The following NEK6 variants were observed in gnomAD, a reference collection of about 807,000 sequenced individuals.
The protein encoded by NEK6 is serine/threonine-protein kinase Nek6.
NEK6 carries 27 observed loss-of-function variants against 43.5 expected under a neutral mutation model. That is an observed-to-expected ratio of 0.62 (90% CI 0.46 to 0.86). The LOEUF (loss-of-function observed/expected upper bound fraction) is 0.86. NEK6 is among the 40% of genes least tolerant of loss of function. The pLI, the probability that NEK6 is intolerant of heterozygous loss-of-function variation, is 0.00. For synonymous variants in NEK6, 167 were observed against 164.1 expected (o/e 1.02, Z -0.14); for missense variants, 318 against 414.4 (o/e 0.77, Z 2.02).
rs1831402978 is a variant in NEK6, at chr9:124,270,654, G to C, written c.-30+12569G>C. Reference sequence around the variant, plus strand: ...TTTCAGGGTGAGTGCAGACCTCACAGGTGTGGGCACACCTGCCCCCGACCC... The same window carrying C: ...TTTCAGGGTGAGTGCAGACCTCACACGTGTGGGCACACCTGCCCCCGACCC... On this transcript the variant is annotated intron_variant, in intron 1 of 9. Transcript: ENST00000320246. Among the ~76,000 whole-genome samples the C allele has an allele frequency of 1.3e-5, 2 of 152,206 alleles. 1 individual carries two copies. The highest frequency in any genetic ancestry group is 1.3e-4 in the Admixed American group (2 of 15,284).
At chr9:124,272,754 T>C (rs1475099767) in intron 1 of NEK6, among the ~76,000 whole-genome samples, 1 of 152,212 alleles carries the variant, frequency 6.6e-6, no homozygotes, top group African/African-American at 2.4e-5. Flanking sequence ...CCTCTCTTGG[T>C]GACCTTGAGA....
At chr9:124,292,228 C>A in intron 1 of NEK6, 2 of 1,253,252 alleles carry the variant, frequency 1.6e-6, no homozygotes, top group East Asian at 2.9e-5. Flanking sequence ...CTCTGCCACC[C>A]ACCGCTGGCT....
intron 1 of NEK6, among the ~76,000 whole-genome samples, chr9:124,283,793 C>T (rs1429230028): frequency 6.6e-6 from 1 of 152,268 alleles, no homozygotes; most frequent in Non-Finnish European, 1.5e-5. Flanking sequence ...AGAGCTGCTT[C>T]CCGTTCCGAG....
intron 1 of NEK6, chr9:124,292,227 C>T: frequency 8.0e-7 from 1 of 1,251,498 alleles, no homozygotes; most frequent in Non-Finnish European, 1.1e-6. Flanking sequence ...CCTCTGCCAC[C>T]CACCGCTGGC....
intron 2 of NEK6, 112 bp downstream of exon 2, chr9:124,302,166 C>T: frequency 1.4e-6 from 1 of 727,662 alleles, no homozygotes; most frequent in Non-Finnish European, 2.2e-6. Flanking sequence ...CTCCCTGAAA[C>T]AGAACCTCTT....
chr9:124,340,133 T>TAAAGACCAGCACCTCTCCCC (rs1829518891), intron 8 of NEK6, among the ~76,000 whole-genome samples: 1 of 151,158 alleles, frequency 6.6e-6, no homozygotes, highest in African/African-American at 2.4e-5. Flanking sequence ...TGGGTCTCCC[T>TAAAGACCAGCACCTCTCCCC]AAAGACCACC....
At chr9:124,288,363 TTCAAGTGATTCTCCTGAA>T (rs1311149164) in intron 1 of NEK6, among the ~76,000 whole-genome samples, 4 of 152,232 alleles carry the variant, frequency 2.6e-5, no homozygotes, top group South Asian at 2.1e-4. Context: ...GCCTCCTGGG[TTCAAGTGATTCTCCTGAA>T]TCAAGTGATT....
rs1055421358 is a variant in NEK6 at position 124,257,953 on chromosome 9, T to TGGCGGCGGC, written c.-156_-148dup. The TGGCGGCGGC allele has an allele frequency of 7.2e-6, 7 of 974,662 alleles. No homozygotes were observed. The highest frequency in any genetic ancestry group is 8.5e-6 in the Non-Finnish European group (7 of 825,752). 60.4% of individuals were successfully genotyped at this position (974,662 alleles called of 1,614,324 possible). ...CGGGCGCGCGGGCCCGCGCAGGCGG[T>TGGCGGCGGC]GGCGGCGGCGGCGGAACCGAGCTGA... On this transcript the variant is annotated 5_prime_UTR_variant, in exon 1 of 10. Transcript: ENST00000320246.
At chr9:124,350,669 C>T (rs571280358) in intron 9 of NEK6, among the ~76,000 whole-genome samples, 168 bp from the exon 10 acceptor site, 4 of 152,244 alleles carry the variant, frequency 2.6e-5, no homozygotes, top group South Asian at 2.1e-4. Flanking sequence ...CATGCGGCTG[C>T]GCACCCCTTA....
At chr9:124,344,374 G>A (rs768177698) in intron 8 of NEK6, among the ~76,000 whole-genome samples, 24 of 152,192 alleles carry the variant, frequency 1.6e-4, no homozygotes, top group Non-Finnish European at 2.5e-4. Flanking sequence ...AGCTATTACC[G>A]AGGACCTCCT....
chr9:124,291,559 G>A (rs1832420619), intron 1 of NEK6, among the ~76,000 whole-genome samples: 1 of 152,234 alleles, frequency 6.6e-6, no homozygotes, highest in African/African-American at 2.4e-5. Context: ...CTCGGAGGCG[G>A]AGGTTGCGGT....
In NEK6 at chr9:124,326,857, C is replaced by T. The variant is rs1834366340; in HGVS notation, c.514+419C>T. Reference sequence around the variant, plus strand: ...AGCCTGCTGGGTGCCCGGCAGGGCACGAGGTCCTTTACGTAGGCTGCTTCA... The same window carrying T: ...AGCCTGCTGGGTGCCCGGCAGGGCATGAGGTCCTTTACGTAGGCTGCTTCA... On this transcript the variant is annotated intron_variant, in intron 6 of 9. Coordinates refer to ENST00000320246, the MANE Select transcript of NEK6 (RefSeq NM_014397.6). This position sits in a 1 kb window ranked among gnomAD's most constrained non-coding sequence, Gnocchi z 4.5. Among the ~76,000 whole-genome samples the T allele has an allele frequency of 6.6e-6, 1 of 152,128 alleles. No individual in the cohort carries two copies. Among genetic ancestry groups the T allele is most frequent in the African/African-American group, 2.4e-5 (1 of 41,434 alleles).
chr9:124,318,291 G>C (rs890746234), intron 4 of NEK6, among the ~76,000 whole-genome samples: 12 of 151,972 alleles, frequency 7.9e-5, no homozygotes, highest in African/African-American at 2.9e-4. Context: ...ATCTAAGCTG[G>C]AGTGCAGTGG....
intron 1 of NEK6, among the ~76,000 whole-genome samples, chr9:124,278,700 G>C (rs921336443): frequency 6.6e-6 from 1 of 152,210 alleles, no homozygotes; most frequent in African/African-American, 2.4e-5. Flanking sequence ...GTCAGATACC[G>C]GCTGGATGAC....
intron 8 of NEK6, 62 bp from the exon 9 acceptor site, chr9:124,347,647 C>T: frequency 2.8e-6 from 3 of 1,083,808 alleles, no homozygotes; most frequent in Non-Finnish European, 1.3e-6. Flanking sequence ...CAGCCTCCTC[C>T]TCTCTAGTCC....
chr9:124,313,505 C>A (rs1383153403), intron 3 of NEK6, among the ~76,000 whole-genome samples: 3 of 152,080 alleles, frequency 2.0e-5, no homozygotes, highest in Non-Finnish European at 4.4e-5. Flanking sequence ...GTAGCTGGGA[C>A]TACAGGCGTG....
intron 1 of NEK6, among the ~76,000 whole-genome samples, chr9:124,295,160 G>A (rs889078297): frequency 2.0e-5 from 3 of 152,252 alleles, no homozygotes; most frequent in African/African-American, 7.2e-5. Context: ...TCCAGGAGTG[G>A]CTCATGGTCC....
At chr9:124,260,291 A>G (rs1385129164) in intron 1 of NEK6, among the ~76,000 whole-genome samples, 2 of 152,154 alleles carry the variant, frequency 1.3e-5, no homozygotes, top group African/African-American at 4.8e-5. Flanking sequence ...GATAGGGTTT[A>G]TTATCCCCAT....
At chr9:124,303,557 G>T (rs17222478) in intron 2 of NEK6, among the ~76,000 whole-genome samples, 1 of 152,164 alleles carries the variant, frequency 6.6e-6, no homozygotes, top group South Asian at 2.1e-4. Flanking sequence ...GAGGCGACAC[G>T]TTGAGCTTAG....
Sources: allele counts gnomAD v4.1 joint callset (sites outside exome capture counted in the v4.1 genomes callset), GRCh38; gene constraint gnomAD v4.1.1; non-coding constraint Gnocchi (gnomAD v3.1); transcripts MANE v1.5; gene names NCBI Gene and HGNC (gene_info 2026-07-23, HGNC 2026-07-21).